The following ZNF407 variants were observed in gnomAD, a reference collection of about 807,000 sequenced individuals.
ZNF407 encodes the protein zinc finger protein 407.
In ZNF407, 17 loss-of-function variants were observed where a neutral mutation model predicts 131.2. That is an observed-to-expected ratio of 0.13 (90% CI 0.09 to 0.19). ZNF407 has a LOEUF of 0.19. Ranked by LOEUF, ZNF407 falls within the 10% of genes least tolerant of loss-of-function variation. ZNF407 has a pLI of 1.00. For synonymous variants in ZNF407, 1,156 were observed against 1,062.0 expected, an observed-to-expected ratio of 1.09 and a Z score of -1.72; for missense variants, 2,681 against 2,830.6, an observed-to-expected ratio of 0.95 and a Z score of 1.20.
chr18:75,063,968 G>A lies in ZNF407; in HGVS notation c.6247G>A (p.Val2083Ile), dbSNP rs781417819. 92 of 1,613,468 alleles carry A rather than the reference G, an allele frequency of 5.7e-5. 1 individual carries two copies. Among genetic ancestry groups the A allele is most frequent in the Non-Finnish European group, 7.5e-5 (89 of 1,179,830 alleles). Residue 2083 changes from valine to isoleucine, a missense_variant, in exon 9 of 9, where the codon GTC (valine) becomes ATC (isoleucine). Val to Ile is a conservative substitution (Grantham distance 29). Around this residue, in one of 6 missense-constraint regions of ZNF407, gnomAD observed 620 missense variants for 583.1 expected, o/e 1.06. Transcript: ENST00000299687. This position sits in a 1 kb window ranked among gnomAD's most constrained non-coding sequence, Gnocchi z 6.6. ...GGCCTTCAAGAAGATGGTCCAGGGC[G>A]TCCTCCAGTTTGCTGTGTGTGACAC... ...QVAFKKMVQG[V>I]LQFAVCDTAA...
chr18:74,759,162 C>A (rs1367757852), intron 3 of ZNF407, among the ~76,000 whole-genome samples: 1 of 151,890 alleles, frequency 6.6e-6, no homozygotes, highest in African/African-American at 2.4e-5. Context: ...AATATGTCAT[C>A]CCCCTGCCTT....
chr18:74,836,010 A>G (rs1350665904), intron 4 of ZNF407, among the ~76,000 whole-genome samples: 8 of 110,122 alleles, frequency 7.3e-5, no homozygotes, highest in South Asian at 6.4e-4. Context: ...CCCTTATGGA[A>G]AAAAAAAAAA....
chr18:74,700,295 A>G (rs1426716634), intron 3 of ZNF407, among the ~76,000 whole-genome samples: 1 of 152,236 alleles, frequency 6.6e-6, no homozygotes, highest in Non-Finnish European at 1.5e-5. Context: ...AAAGTTCTAG[A>G]TAAAGCCACC....
At chr18:74,766,848 G>C (rs1969245156) in intron 3 of ZNF407, among the ~76,000 whole-genome samples, 1 of 152,134 alleles carries the variant, frequency 6.6e-6, no homozygotes, top group Admixed American at 6.5e-5. Context: ...TATTATTTTA[G>C]ATGATAAGGG....
chr18:74,995,551 G>A (rs1040165911), intron 8 of ZNF407, among the ~76,000 whole-genome samples: 4 of 152,164 alleles, frequency 2.6e-5, no homozygotes, highest in Non-Finnish European at 5.9e-5. Flanking sequence ...GCTGTTTGTA[G>A]CTCTGGGTCA....
intron 8 of ZNF407, among the ~76,000 whole-genome samples, chr18:75,049,364 T>A (rs1201894328): frequency 2.0e-5 from 3 of 152,186 alleles, no homozygotes; most frequent in Non-Finnish European, 2.9e-5. Context: ...TAACATAGCC[T>A]GGGATCATAC....
chr18:74,906,258 C>T (rs761175406), intron 7 of ZNF407, among the ~76,000 whole-genome samples: 17 of 152,156 alleles, frequency 1.1e-4, no homozygotes, highest in Non-Finnish European at 1.8e-4. Context: ...CTCCTCTCTT[C>T]CCTGTTTTGA....
At chr18:74,946,787 G>A (rs1365019644) in intron 8 of ZNF407, among the ~76,000 whole-genome samples, 1 of 152,016 alleles carries the variant, frequency 6.6e-6, no homozygotes, top group Non-Finnish European at 1.5e-5. Flanking sequence ...ACATATCTTG[G>A]GAAATAATGA....
intron 4 of ZNF407, among the ~76,000 whole-genome samples, chr18:74,843,475 T>C (rs1237830773): frequency 1.3e-5 from 2 of 152,232 alleles, no homozygotes; most frequent in Non-Finnish European, 2.9e-5. Flanking sequence ...ACACTTCATC[T>C]TTACTTTTTC....
At chr18:74,789,041 A>G (rs1969775305) in intron 4 of ZNF407, among the ~76,000 whole-genome samples, 2 of 152,236 alleles carry the variant, frequency 1.3e-5, no homozygotes, top group Admixed American at 6.5e-5. Flanking sequence ...TAGGTGATCT[A>G]TAGTGTTTGA....
At chr18:74,846,917 C>T (rs918553051) in intron 4 of ZNF407, among the ~76,000 whole-genome samples, 24 of 151,894 alleles carry the variant, frequency 1.6e-4, no homozygotes, top group African/African-American at 5.8e-4. Flanking sequence ...TCACTTGAAC[C>T]CAGGAGGCGG....
At chr18:74,725,989 AT>A (rs1968148365) in intron 3 of ZNF407, among the ~76,000 whole-genome samples, 1 of 152,094 alleles carries the variant, frequency 6.6e-6, no homozygotes, top group African/African-American at 2.4e-5. Flanking sequence ...GTTAGGGAGA[AT>A]GGCAGGGAGA....
chr18:75,051,612 G>A (rs1005441582), intron 8 of ZNF407, among the ~76,000 whole-genome samples: 1 of 152,216 alleles, frequency 6.6e-6, no homozygotes, highest in Non-Finnish European at 1.5e-5. Flanking sequence ...CTAGAGAAGA[G>A]AGAATTGATA....
At chr18:74,612,876 T>C (rs1377536267) in intron 1 of ZNF407, among the ~76,000 whole-genome samples, 1 of 152,172 alleles carries the variant, frequency 6.6e-6, no homozygotes, top group Non-Finnish European at 1.5e-5. Flanking sequence ...AAAAATAGTA[T>C]GTCTGAGAGA....
intron 4 of ZNF407, among the ~76,000 whole-genome samples, chr18:74,859,581 T>G (rs750041322): frequency 3.1e-4 from 47 of 152,214 alleles, no homozygotes; most frequent in Non-Finnish European, 5.7e-4. Flanking sequence ...AGCAAATCTT[T>G]TCATGAGAAA....
At chr18:74,902,469 C>T (rs886816860) in intron 7 of ZNF407, among the ~76,000 whole-genome samples, 2 of 152,008 alleles carry the variant, frequency 1.3e-5, no homozygotes, top group Non-Finnish European at 2.9e-5. Flanking sequence ...TAAAATAAGA[C>T]GTTTGAGAGA....
At position 74,836,039 on chromosome 18, in the gene ZNF407, G is replaced by A. The variant is rs1039329117; in HGVS notation, c.4878-41158G>A. ...AAAAAAAAAAAGAGGCAGGAAATTA[G>A]GGCACAATTAGATGTGTGCTTCTAG... On this transcript the variant is annotated intron_variant, in intron 4 of 8. Transcript: ENST00000299687. Among the ~76,000 whole-genome samples the A allele has an allele frequency of 2.6e-5, 4 of 151,154 alleles. No individual in the cohort carries two copies. The South Asian group carries it at 8.4e-4, about 32-fold the overall frequency.
chr18:74,979,730 G>A (rs1467727275), intron 8 of ZNF407, among the ~76,000 whole-genome samples: 2 of 152,084 alleles, frequency 1.3e-5, no homozygotes, highest in East Asian at 1.9e-4. Flanking sequence ...AATAATGTTC[G>A]ACCTTAATAG....
intron 4 of ZNF407, among the ~76,000 whole-genome samples, chr18:74,851,096 T>C (rs1471879170): frequency 6.6e-6 from 1 of 152,256 alleles, no homozygotes; most frequent in Admixed American, 6.5e-5. Context: ...TGAAGATAAA[T>C]TAACGTGTAG....
Sources: gnomAD v4.1 joint callset for allele counts (sites outside exome capture counted in the v4.1 genomes callset) on GRCh38, gnomAD v4.1.1 for gene constraint, gnomAD v4.1.1 regional missense constraint, Gnocchi (gnomAD v3.1) non-coding constraint, MANE v1.5 for transcripts, NCBI Gene and HGNC (gene_info 2026-07-23, HGNC 2026-07-21) for gene names.